The following ELMO1 variants were observed in gnomAD, a reference collection of about 807,000 sequenced individuals.
ELMO1 encodes engulfment and cell motility protein 1.
A neutral mutation model predicts 98.9 loss-of-function variants in ELMO1; 26 were observed. That is an observed-to-expected ratio of 0.26 (90% CI 0.19 to 0.36). The LOEUF is 0.36. Ranked by LOEUF, ELMO1 falls within the 10% of genes least tolerant of loss-of-function variation. The probability of loss-of-function intolerance (pLI) is 1.00; values close to 1 mark genes in which losing one functional copy is unlikely to be tolerated. For synonymous variants in ELMO1, 346 were observed against 346.0 expected (o/e 1.00, Z 0.00); for missense variants, 627 against 935.2 (o/e 0.67, Z 4.30).
chr7:37,418,848 C>A (rs1228917460), intron 1 of ELMO1, among the ~76,000 whole-genome samples: 1 of 152,026 alleles, frequency 6.6e-6, no homozygotes, highest in Non-Finnish European at 1.5e-5. Flanking sequence ...GGCAGTGAGG[C>A]GAGATGGGGA....
chr7:37,058,594 T>G (rs757184852), intron 15 of ELMO1, among the ~76,000 whole-genome samples: 4 of 152,140 alleles, frequency 2.6e-5, no homozygotes, highest in African/African-American at 4.8e-5. Context: ...TGTGTCTGCA[T>G]GAGAGTAAAT....
intron 16 of ELMO1, among the ~76,000 whole-genome samples, chr7:36,969,980 AT>A (rs1489078237): frequency 6.6e-6 from 1 of 152,144 alleles, no homozygotes; most frequent in Non-Finnish European, 1.5e-5. Context: ...GTTAAATAAA[AT>A]TATTATAAAA....
At chr7:37,398,680 C>G (rs1346426680) in intron 1 of ELMO1, among the ~76,000 whole-genome samples, 1 of 152,140 alleles carries the variant, frequency 6.6e-6, no homozygotes, top group Admixed American at 6.5e-5. Context: ...CTGCTATCGT[C>G]TCATCCTAAG....
chr7:37,162,239 C>G (rs1272926316), intron 13 of ELMO1, among the ~76,000 whole-genome samples: 1 of 151,970 alleles, frequency 6.6e-6, no homozygotes, highest in Admixed American at 6.6e-5. Context: ...CTCCAGGAAA[C>G]TACCACACAC....
intron 2 of ELMO1, among the ~76,000 whole-genome samples, chr7:37,325,155 T>A (rs1799732588): frequency 1.3e-5 from 2 of 152,134 alleles, no homozygotes; most frequent in Admixed American, 1.3e-4. Flanking sequence ...TGAATGAAAA[T>A]CCAATTCCTC....
intron 13 of ELMO1, among the ~76,000 whole-genome samples, chr7:37,172,297 T>C (rs1392375862): frequency 8.0e-6 from 1 of 125,408 alleles, no homozygotes. Context: ...GAGAATTGTC[T>C]GTGCTTACAT....
At chr7:37,122,874 C>T (rs1442827828) in intron 14 of ELMO1, among the ~76,000 whole-genome samples, 2 of 152,258 alleles carry the variant, frequency 1.3e-5, no homozygotes, top group Non-Finnish European at 1.5e-5. Context: ...AAATTGACCA[C>T]ATAGTTAGAA....
intron 4 of ELMO1, among the ~76,000 whole-genome samples, chr7:37,308,877 G>C (rs921698652): frequency 2.0e-5 from 3 of 152,160 alleles, no homozygotes; most frequent in African/African-American, 7.2e-5. Context: ...GCAGAAATCA[G>C]GTTTGGTCAT....
chr7:37,386,815 C>T (rs926274943), intron 1 of ELMO1, among the ~76,000 whole-genome samples: 3 of 152,210 alleles, frequency 2.0e-5, no homozygotes, highest in Non-Finnish European at 4.4e-5. Context: ...GCCTCCTCCC[C>T]AAGCCCTTCC....
intron 16 of ELMO1, among the ~76,000 whole-genome samples, chr7:36,956,876 G>A (rs535702343): frequency 1.3e-5 from 2 of 152,298 alleles, no homozygotes; most frequent in East Asian, 3.9e-4. Flanking sequence ...AGGAAAGCAC[G>A]TGTTGATTGC....
chr7:37,074,024 A>G (rs1797424968), intron 15 of ELMO1, among the ~76,000 whole-genome samples: 1 of 150,076 alleles, frequency 6.7e-6, no homozygotes, highest in South Asian at 2.1e-4. Flanking sequence ...GACTATTTTA[A>G]AAAATGAAAA....
chr7:36,950,772 G>A (rs1442562626), intron 16 of ELMO1, among the ~76,000 whole-genome samples: 1 of 152,172 alleles, frequency 6.6e-6, no homozygotes, highest in Non-Finnish European at 1.5e-5. Context: ...AGGGCTCAGG[G>A]GTCTGGGCTG....
At chr7:37,262,620 A>C (rs1435004163) in intron 5 of ELMO1, among the ~76,000 whole-genome samples, 4 of 152,218 alleles carry the variant, frequency 2.6e-5, no homozygotes, top group Non-Finnish European at 5.9e-5. Context: ...TAAAAAGTGC[A>C]GTTCCCACAG....
intron 4 of ELMO1, among the ~76,000 whole-genome samples, chr7:37,274,004 C>A (rs1469533525): frequency 1.3e-5 from 2 of 152,134 alleles, no homozygotes; most frequent in African/African-American, 4.8e-5. Flanking sequence ...GGCCCGAAAA[C>A]CCAACACCAC....
intron 13 of ELMO1, among the ~76,000 whole-genome samples, chr7:37,201,747 T>A (rs1369340344): frequency 6.6e-6 from 1 of 152,228 alleles, no homozygotes; most frequent in East Asian, 1.9e-4. Context: ...TGAGAGCCAA[T>A]GGCTGTGTGT....
chr7:37,217,115 C>T (rs1450726341), intron 10 of ELMO1, among the ~76,000 whole-genome samples: 1 of 152,212 alleles, frequency 6.6e-6, no homozygotes, highest in Non-Finnish European at 1.5e-5. Context: ...AAAGTCATTT[C>T]ATCTTAATCT....
intron 5 of ELMO1, chr7:37,269,897 C>T (rs941814829): frequency 3.9e-5 from 6 of 152,178 alleles, no homozygotes; most frequent in African/African-American, 1.2e-4. Flanking sequence ...AAAAACTTCA[C>T]TCTGCCTAAC....
intron 4 of ELMO1, among the ~76,000 whole-genome samples, chr7:37,304,148 G>A (rs1304454520): frequency 6.6e-6 from 1 of 152,062 alleles, no homozygotes; most frequent in Admixed American, 6.5e-5. Flanking sequence ...ACTCTAATTA[G>A]AAAAGTCTAA....
chr7:37,040,498 C>G (rs554673078), intron 15 of ELMO1, among the ~76,000 whole-genome samples: 182 of 152,186 alleles, frequency 1.2e-3, no homozygotes, highest in Admixed American at 4.6e-3. Context: ...ATAGGAGCAC[C>G]CAGCTGCCAT....
Sources: allele counts gnomAD v4.1 joint callset (sites outside exome capture counted in the v4.1 genomes callset), GRCh38; gene constraint gnomAD v4.1.1; transcripts MANE v1.5; gene names NCBI Gene and HGNC (gene_info 2026-07-23, HGNC 2026-07-21).